Variants in CDC42BPA observed in about 807,000 individuals in gnomAD.
CDC42BPA encodes the protein serine/threonine-protein kinase MRCK alpha.
A neutral mutation model predicts 223.5 loss-of-function variants in CDC42BPA; 80 were observed. The observed-to-expected ratio is 0.36, with a 90% CI of 0.30 to 0.43. CDC42BPA has a LOEUF of 0.43. Ranked by LOEUF, CDC42BPA falls within the 20% of genes least tolerant of loss-of-function variation. The pLI is 1.00. For missense variants in CDC42BPA, 1,743 were observed against 2,099.9 expected, an observed-to-expected ratio of 0.83 and a Z score of 3.32; for synonymous variants, 694 against 718.6, an observed-to-expected ratio of 0.97 and a Z score of 0.55.
chr1:227,264,923 C>G, intron 1 of CDC42BPA: 1 of 1,259,034 alleles, frequency 7.9e-7, no homozygotes, highest in Non-Finnish European at 1.2e-6. Flanking sequence ...CTCAATACCC[C>G]ACTCGGTATA....
At chr1:227,039,892 G>A (rs914972247) in intron 24 of CDC42BPA, among the ~76,000 whole-genome samples, 2 of 152,038 alleles carry the variant, frequency 1.3e-5, no homozygotes, top group Admixed American at 6.6e-5. Flanking sequence ...TTTTTTGGCA[G>A]GGACTACAAA....
At chr1:227,173,434 A>G (rs1249182232) in intron 5 of CDC42BPA, among the ~76,000 whole-genome samples, 1 of 152,186 alleles carries the variant, frequency 6.6e-6, no homozygotes, top group Non-Finnish European at 1.5e-5. Context: ...CAATCTACCA[A>G]TGTAATTTAT....
chr1:227,172,350 A>G (rs1341873817), intron 5 of CDC42BPA, among the ~76,000 whole-genome samples: 3 of 152,230 alleles, frequency 2.0e-5, no homozygotes, highest in Non-Finnish European at 2.9e-5. Context: ...AAAACTAATG[A>G]TTCTATAATT....
At chr1:227,211,169 G>C (rs1018883370) in intron 3 of CDC42BPA, among the ~76,000 whole-genome samples, 1 of 152,028 alleles carries the variant, frequency 6.6e-6, no homozygotes, top group Admixed American at 6.6e-5. Context: ...AAAAACTAAG[G>C]TGTTGAATAT....
At chr1:227,093,758 A>G (rs1270323250) in intron 15 of CDC42BPA, among the ~76,000 whole-genome samples, 1 of 152,166 alleles carries the variant, frequency 6.6e-6, no homozygotes, top group African/African-American at 2.4e-5. Flanking sequence ...CCTGGGCTGC[A>G]GTCCTCAACC....
intron 14 of CDC42BPA, among the ~76,000 whole-genome samples, chr1:227,104,598 A>G (rs1044563613): frequency 1.3e-5 from 2 of 152,216 alleles, no homozygotes; most frequent in South Asian, 2.1e-4. Flanking sequence ...TCAAATTCCT[A>G]TGTTGAAGCC....
At chr1:227,124,572 A>G (rs1689206812) in intron 11 of CDC42BPA, among the ~76,000 whole-genome samples, 1 of 152,012 alleles carries the variant, frequency 6.6e-6, no homozygotes, top group Admixed American at 6.6e-5. Flanking sequence ...AAAAAAAGGG[A>G]AGGAAAGAAA....
intron 2 of CDC42BPA, among the ~76,000 whole-genome samples, chr1:227,238,322 C>A (rs34702208): frequency 0.12 from 17,562 of 151,324 alleles, 1,246 homozygotes; most frequent in South Asian, 0.21. Context: ...GGCACCACTA[C>A]ACTGGCGAGA....
chr1:227,108,015 C>A (rs6664803), intron 14 of CDC42BPA, among the ~76,000 whole-genome samples: 6 of 152,064 alleles, frequency 3.9e-5, no homozygotes, highest in Non-Finnish European at 5.9e-5. Flanking sequence ...TAATTAAAGG[C>A]TGTCAATTTT....
intron 31 of CDC42BPA, 77 bp downstream of exon 31, chr1:227,025,974 TAAAA>T: frequency 2.9e-6 from 2 of 682,464 alleles, no homozygotes; most frequent in Non-Finnish European, 4.9e-6. Flanking sequence ...GTTGAATTAA[TAAAA>T]AAAAAATTAC....
rs115991803 is a variant in CDC42BPA, at chr1:227,141,585, C to T, written c.1223+1360G>A. Among the ~76,000 whole-genome samples the T allele has an allele frequency of 6.0e-3, 908 of 152,216 alleles. 9 individuals carry two copies. Among genetic ancestry groups the T allele is most frequent in the African/African-American group, 0.021 (855 of 41,528 alleles). On this transcript the variant is annotated intron_variant, in intron 9 of 36. Coordinates refer to ENST00000366766, the MANE Select transcript of CDC42BPA (RefSeq NM_001394014.1). ...CTTGTGGAAGTTGTCTGCGGTTTGC[C>T]TCAATCCTTTCAGTGAAAGGAGATG...
At chr1:227,232,896 G>GACTTGCTGTCC (rs1678283825) in intron 2 of CDC42BPA, among the ~76,000 whole-genome samples, 1 of 152,190 alleles carries the variant, frequency 6.6e-6, no homozygotes, top group South Asian at 2.1e-4. Context: ...TCCATTCTCA[G>GACTTGCTGTCC]ATCTCAAACT....
intron 6 of CDC42BPA, among the ~76,000 whole-genome samples, chr1:227,155,271 G>T (rs77220222): frequency 0.06 from 9,115 of 152,226 alleles, 284 homozygotes; most frequent in Non-Finnish European, 0.072. Context: ...CAGCAACACT[G>T]TAAGTTAAAA....
At chr1:227,266,430 G>A (rs1464076) in intron 1 of CDC42BPA, among the ~76,000 whole-genome samples, 14,247 of 152,216 alleles carry the variant, frequency 0.094, 847 homozygotes, top group Middle Eastern at 0.17. Context: ...TGACACTGCT[G>A]AGCCAGAGAG....
At chr1:227,192,049 C>T (rs1272348792) in intron 5 of CDC42BPA, among the ~76,000 whole-genome samples, 1 of 151,452 alleles carries the variant, frequency 6.6e-6, no homozygotes, top group African/African-American at 2.4e-5. Flanking sequence ...CAATCAGATA[C>T]CCACAGAGAA....
chr1:227,261,892 T>C (rs1263149584), intron 1 of CDC42BPA, among the ~76,000 whole-genome samples: 1 of 152,122 alleles, frequency 6.6e-6, no homozygotes, highest in Non-Finnish European at 1.5e-5. Flanking sequence ...ACATGAGGGT[T>C]TGGAGTCTGA....
At chr1:227,282,939 A>G (rs1049477752) in intron 1 of CDC42BPA, among the ~76,000 whole-genome samples, 1 of 152,230 alleles carries the variant, frequency 6.6e-6, no homozygotes, top group Non-Finnish European at 1.5e-5. Context: ...AACAATGTGT[A>G]TGTACTTGAT....
At chr1:227,212,720 C>A (rs1674149275) in intron 3 of CDC42BPA, among the ~76,000 whole-genome samples, 1 of 152,154 alleles carries the variant, frequency 6.6e-6, no homozygotes, top group African/African-American at 2.4e-5. Flanking sequence ...ACTGCATAAT[C>A]AGCATTAAAC....
chr1:227,247,755 A>T (rs529711042), intron 2 of CDC42BPA, among the ~76,000 whole-genome samples: 1 of 151,084 alleles, frequency 6.6e-6, no homozygotes, highest in Admixed American at 6.6e-5. Context: ...CGTGGTATGC[A>T]CCTGTAGTCC....
Sources: gnomAD v4.1 joint callset for allele counts (sites outside exome capture counted in the v4.1 genomes callset) on GRCh38, gnomAD v4.1.1 for gene constraint, MANE v1.5 for transcripts, NCBI Gene and HGNC (gene_info 2026-07-23, HGNC 2026-07-21) for gene names.